METTL16: variants seen among roughly 807,000 people sequenced by gnomAD.
The protein encoded by METTL16 is methyltransferase 16, RNA N6-adenosine, also known as RNA N(6)-adenosine-methyltransferase METTL16.
METTL16 carries 19 observed loss-of-function variants against 57.9 expected under a neutral mutation model. That is an observed-to-expected ratio of 0.33 (90% CI 0.23 to 0.48). The LOEUF (loss-of-function observed/expected upper bound fraction) is 0.48, where lower values mean the gene tolerates loss of function less well. Ranked by LOEUF, METTL16 falls within the 20% of genes least tolerant of loss-of-function variation. The pLI is 0.99. For missense variants in METTL16, 434 were observed against 691.5 expected, an observed-to-expected ratio of 0.63 and a Z score of 4.18; for synonymous variants, 246 against 255.6, an observed-to-expected ratio of 0.96 and a Z score of 0.36.
chr17:2,509,308 G>A (rs1215438940), intron 1 of METTL16, among the ~76,000 whole-genome samples: 1 of 152,136 alleles, frequency 6.6e-6, no homozygotes, highest in East Asian at 1.9e-4. Flanking sequence ...ACTACATTTT[G>A]CCCCTCACAC....
intron 6 of METTL16, among the ~76,000 whole-genome samples, chr17:2,448,112 A>G (rs1373600919): frequency 3.3e-5 from 2 of 60,138 alleles, no homozygotes; most frequent in East Asian, 5.0e-4. Flanking sequence ...CCTGTCCGGG[A>G]GGGAGGTGGG....
chr17:2,446,543 A>G lies in METTL16; in HGVS notation c.729-4984T>C, dbSNP rs939503574. Among the ~76,000 whole-genome samples the G allele has an allele frequency of 7.2e-5, 11 of 152,014 alleles. No homozygotes were observed. In the East Asian group the frequency reaches 7.7e-4, roughly 11 times the overall value. ...CACACCTGTAATCTCAGCACTTTGG[A>G]AGGCCAAGGTGGGTAGATCACAAGG... On this transcript the variant is annotated intron_variant, in intron 6 of 9. Transcript: ENST00000263092.
intron 8 of METTL16, among the ~76,000 whole-genome samples, chr17:2,421,308 T>C (rs1363497208): frequency 2.0e-5 from 3 of 152,130 alleles, no homozygotes; most frequent in South Asian, 2.1e-4. Context: ...GGAGCTCTGA[T>C]TGCGCCACCG....
intron 2 of METTL16, among the ~76,000 whole-genome samples, chr17:2,501,641 C>T (rs900478926): frequency 1.3e-5 from 2 of 152,002 alleles, no homozygotes; most frequent in African/African-American, 2.4e-5. Context: ...GGGCGGATCA[C>T]GAGGTCAGGA....
chr17:2,449,885 C>T (rs964891888), intron 6 of METTL16, among the ~76,000 whole-genome samples: 3 of 152,128 alleles, frequency 2.0e-5, no homozygotes, highest in Admixed American at 6.5e-5. Context: ...TAAGCACATG[C>T]GGATACTCCC....
At chr17:2,464,162 T>A (rs533080466) in intron 6 of METTL16, 46 bp downstream of exon 6, 1 of 1,577,558 alleles carries the variant, frequency 6.3e-7, no homozygotes, top group Non-Finnish European at 8.6e-7. Flanking sequence ...CGGGTAAATA[T>A]TCCTGTGTTG....
At chr17:2,423,568 A>G (rs191068883) in intron 8 of METTL16, among the ~76,000 whole-genome samples, 12 of 152,212 alleles carry the variant, frequency 7.9e-5, no homozygotes, top group Admixed American at 6.6e-4. Flanking sequence ...ATGGGGGTGG[A>G]GAATCAGACT....
chr17:2,486,238 G>T (rs1286582019), intron 2 of METTL16, among the ~76,000 whole-genome samples: 1 of 17,916 alleles, frequency 5.6e-5, no homozygotes, highest in Non-Finnish European at 1.2e-4. Flanking sequence ...TTCTGAAAGT[G>T]AAAGAAAAAC....
At chr17:2,429,948 T>C (rs1172001084) in intron 8 of METTL16, among the ~76,000 whole-genome samples, 4 of 143,452 alleles carry the variant, frequency 2.8e-5, no homozygotes, top group Non-Finnish European at 4.6e-5. Flanking sequence ...GTAGCTGGGA[T>C]TACAGGCGCC....
intron 8 of METTL16, among the ~76,000 whole-genome samples, chr17:2,428,527 C>CAAAA (rs533793602): frequency 4.7e-5 from 1 of 21,074 alleles, no homozygotes; most frequent in Non-Finnish European, 8.3e-5. Flanking sequence ...GACTCCGTCT[C>CAAAA]AAAAAAAAAA....
intron 7 of METTL16, among the ~76,000 whole-genome samples, chr17:2,439,006 A>T (rs903439391): frequency 6.6e-6 from 1 of 152,184 alleles, no homozygotes; most frequent in Admixed American, 6.5e-5. Flanking sequence ...TGCTCCTCCC[A>T]CTGGCTTGCA....
chr17:2,483,030 A>T (rs1403776430), intron 2 of METTL16, among the ~76,000 whole-genome samples: 1 of 152,056 alleles, frequency 6.6e-6, no homozygotes, highest in Admixed American at 6.6e-5. Context: ...TGTTAAAAAA[A>T]AAAAGCAGCA....
chr17:2,440,994 A>AAAAAAAAAAAAAAAAAAAAAAAAAAAAG (rs1555616313), intron 7 of METTL16, among the ~76,000 whole-genome samples: 1 of 118,898 alleles, frequency 8.4e-6, no homozygotes, highest in African/African-American at 4.7e-5. Context: ...AAAAAAAAAA[A>AAAAAAAAAAAAAAAAAAAAAAAAAAAAG]AAGAAGAAGA....
At chr17:2,485,887 C>A (rs985197060) in intron 2 of METTL16, among the ~76,000 whole-genome samples, 1 of 152,180 alleles carries the variant, frequency 6.6e-6, no homozygotes, top group African/African-American at 2.4e-5. Flanking sequence ...CTGACCCCCC[C>A]TAATTAGTGG....
At position 2,497,917 on chromosome 17, in the gene METTL16, C is replaced by T. The variant is rs531560446; in HGVS notation, c.128+4287G>A. ...TTTTAAAAAATATACCTCTTAGGCC[C>T]GGCGCGGTGGCTCACGCCTGTAATC... On this transcript the variant is annotated intron_variant, in intron 2 of 9. Transcript: ENST00000263092. 9.2e-5 allele frequency among the ~76,000 whole-genome samples: 14 copies of T among 151,770 alleles called. No individual in the cohort carries two copies. In the South Asian group the frequency reaches 1.0e-3, roughly 11 times the overall value.
At chr17:2,480,111 G>A (rs777381850) in intron 2 of METTL16, among the ~76,000 whole-genome samples, 22 of 151,156 alleles carry the variant, frequency 1.5e-4, no homozygotes, top group Non-Finnish European at 2.7e-4. Flanking sequence ...GCTTGAACCC[G>A]GAAGGCAGAG....
chr17:2,423,415 C>G (rs2151683948), intron 8 of METTL16, among the ~76,000 whole-genome samples: 1 of 152,238 alleles, frequency 6.6e-6, no homozygotes, highest in South Asian at 2.1e-4. Context: ...GACATTAAGA[C>G]AGTCATATTG....
At chr17:2,462,352 T>G (rs1031667421) in intron 6 of METTL16, among the ~76,000 whole-genome samples, 1 of 152,122 alleles carries the variant, frequency 6.6e-6, no homozygotes, top group East Asian at 1.9e-4. Context: ...ATTTAACGAG[T>G]ACAGAGTTAC....
At chr17:2,475,415 T>A (rs1226581335) in intron 3 of METTL16, 1 of 152,154 alleles carries the variant, frequency 6.6e-6, no homozygotes, top group Non-Finnish European at 1.5e-5. Flanking sequence ...AGTAAGAACA[T>A]GTCAGTTGTA....
Sources: gnomAD v4.1 joint callset for allele counts (sites outside exome capture counted in the v4.1 genomes callset) on GRCh38, gnomAD v4.1.1 for gene constraint, MANE v1.5 for transcripts, NCBI Gene and HGNC (gene_info 2026-07-23, HGNC 2026-07-21) for gene names.